TDRD9: variants seen among roughly 807,000 people sequenced by gnomAD.
TDRD9 encodes tudor domain containing 9.
TDRD9 carries 124 observed loss-of-function variants against 172.6 expected under a neutral mutation model. The ratio of observed to expected loss-of-function variants is 0.72; its 90% confidence interval spans 0.62 to 0.83. The LOEUF (loss-of-function observed/expected upper bound fraction) is 0.83. TDRD9 is among the 40% of genes least tolerant of loss of function. The probability of loss-of-function intolerance (pLI) is 0.00; values close to 1 mark genes in which losing one functional copy is unlikely to be tolerated. For missense variants in TDRD9, 1,479 were observed against 1,714.1 expected, an observed-to-expected ratio of 0.86 and a Z score of 2.42; for synonymous variants, 619 against 617.1, an observed-to-expected ratio of 1.00 and a Z score of -0.05.
At chr14:103,938,434 A>ATTTTTTTTT (rs1167863822) in intron 1 of TDRD9, among the ~76,000 whole-genome samples, 16 of 34,914 alleles carry the variant, frequency 4.6e-4, no homozygotes, top group Non-Finnish European at 6.7e-4. Context: ...ATATATATAT[A>ATTTTTTTTT]TATATATTTT....
chr14:103,994,192 A>T, intron 9 of TDRD9, 140 bp from the exon 10 acceptor site: 1 of 718,400 alleles, frequency 1.4e-6, no homozygotes, highest in East Asian at 2.5e-5. Flanking sequence ...TGTTTCTGGC[A>T]TATTTAGGCA....
intron 1 of TDRD9, among the ~76,000 whole-genome samples, chr14:103,934,526 C>T (rs888666689): frequency 1.2e-4 from 19 of 152,170 alleles, no homozygotes; most frequent in African/African-American, 4.3e-4. Context: ...TGCCTGTAAT[C>T]CCAGCACTTT....
intron 23 of TDRD9, among the ~76,000 whole-genome samples, chr14:104,020,555 G>T (rs901398995): frequency 6.6e-6 from 1 of 152,178 alleles, no homozygotes; most frequent in Non-Finnish European, 1.5e-5. Flanking sequence ...AAGCAGAAGG[G>T]CATGAATCAG....
chr14:103,937,946 G>T (rs141707216), intron 1 of TDRD9, among the ~76,000 whole-genome samples: 137 of 152,054 alleles, frequency 9.0e-4, no homozygotes, highest in African/African-American at 3.2e-3. Context: ...AAGAGGAGGT[G>T]TCACAGGCAA....
In TDRD9 at chr14:103,938,043, G is replaced by A. The variant is rs554693304; in HGVS notation, c.215+9319G>A. 3.9e-5 allele frequency among the ~76,000 whole-genome samples: 6 copies of A among 152,162 alleles called. No homozygotes were observed. In the South Asian group the frequency reaches 1.0e-3, roughly 26 times the overall value. On this transcript the variant is annotated intron_variant, in intron 1 of 35. Transcript: ENST00000409874. ...GAATCTCCTCTCTGCCAATGAGCAA[G>A]CCATTGGACGTATCTGAGGCAGTTT...
intron 28 of TDRD9, 71 bp from the exon 29 acceptor site, chr14:104,031,036 AT>A (rs2035265187): frequency 7.4e-7 from 1 of 1,358,332 alleles, no homozygotes. Context: ...CCTATGAAAT[AT>A]TTTGATTAGT....
At chr14:103,962,978 G>GTA (rs2032577943) in intron 2 of TDRD9, 101 bp from the exon 3 acceptor site, 2 of 639,820 alleles carry the variant, frequency 3.1e-6, no homozygotes, top group Non-Finnish European at 5.4e-6. Flanking sequence ...GTGTGTGTGT[G>GTA]TGTGTGTGTG....
intron 2 of TDRD9, among the ~76,000 whole-genome samples, chr14:103,960,348 ATG>A (rs2152138636): frequency 6.6e-6 from 1 of 152,310 alleles, no homozygotes; most frequent in East Asian, 1.9e-4. Flanking sequence ...ATATAGTGAT[ATG>A]TCTTAGTGAA....
intron 3 of TDRD9, among the ~76,000 whole-genome samples, chr14:103,963,574 T>G (rs1052397079): frequency 6.6e-6 from 1 of 152,232 alleles, no homozygotes; most frequent in Non-Finnish European, 1.5e-5. Flanking sequence ...TGGGTTTTCT[T>G]TACAGCGTTG....
chr14:103,929,956 C>T (rs1430924367), intron 1 of TDRD9, among the ~76,000 whole-genome samples: 2 of 152,182 alleles, frequency 1.3e-5, no homozygotes, highest in East Asian at 1.9e-4. Flanking sequence ...TAAGTAGCTA[C>T]CATCAGTTAC....
At chr14:103,988,105 C>G (rs1490370575) in intron 8 of TDRD9, among the ~76,000 whole-genome samples, 1 of 151,870 alleles carries the variant, frequency 6.6e-6, no homozygotes, top group Admixed American at 6.6e-5. Context: ...TTTTTTCATT[C>G]TTTTACTTTC....
At position 104,007,177 on chromosome 14, in the gene TDRD9, A is replaced by G; in HGVS notation, c.2025A>G (p.Arg675=). The change falls in exon 19 of 36, where the codon AGA becomes AGG. Residue 675 remains arginine (R), a synonymous_variant. Coordinates refer to ENST00000409874, the MANE Select transcript of TDRD9 (RefSeq NM_153046.3). ...ATTTTCAGACATGGAAGGCTTGCAG[A>G]CAGACAGGGGAGCTGCGGTACCCGA... is the stretch of plus-strand genomic sequence containing the variant. The part of the protein sequence containing the change: ...VEAFKTWKAC[R]QTGELRYPKD... 6.2e-7 allele frequency: 1 copy of G among 1,613,956 alleles called. No individual in the cohort carries two copies. The highest frequency in any genetic ancestry group is 8.5e-7 in the Non-Finnish European group (1 of 1,179,878).
chr14:104,028,178 A>G (rs1443317297), intron 28 of TDRD9, among the ~76,000 whole-genome samples: 1 of 152,112 alleles, frequency 6.6e-6, no homozygotes, highest in Non-Finnish European at 1.5e-5. Flanking sequence ...TCTCTGATGT[A>G]CTGATTTCCT....
At chr14:104,016,126 G>C in intron 22 of TDRD9, 38 bp downstream of exon 22, 1 of 1,398,804 alleles carries the variant, frequency 7.1e-7, no homozygotes, top group Non-Finnish European at 9.9e-7. Context: ...CTGGGGTGTG[G>C]TGGGGCAGAA....
chr14:104,010,520 C>T (rs1286983630), intron 20 of TDRD9, among the ~76,000 whole-genome samples: 2 of 151,102 alleles, frequency 1.3e-5, no homozygotes, highest in Admixed American at 6.6e-5. Flanking sequence ...TGGATACCTC[C>T]TGAAGGATAC....
intron 34 of TDRD9, among the ~76,000 whole-genome samples, chr14:104,043,997 G>A (rs948439423): frequency 6.6e-6 from 1 of 152,122 alleles, no homozygotes; most frequent in Non-Finnish European, 1.5e-5. Flanking sequence ...CCTTGATTCC[G>A]GCTCTGCCCT....
At chr14:104,030,134 A>T (rs1021564174) in intron 28 of TDRD9, among the ~76,000 whole-genome samples, 1 of 152,182 alleles carries the variant, frequency 6.6e-6, no homozygotes, top group Non-Finnish European at 1.5e-5. Context: ...AATTTTACAT[A>T]CAAAAAAGTC....
chr14:103,972,130 G>C (rs1266673697), intron 6 of TDRD9, among the ~76,000 whole-genome samples: 1 of 151,962 alleles, frequency 6.6e-6, no homozygotes, highest in Non-Finnish European at 1.5e-5. Flanking sequence ...CTCCAGCCTG[G>C]GTAACAGATG....
chr14:104,006,861 T>G lies in TDRD9; in HGVS notation c.2007+16T>G. The G allele has an allele frequency of 6.2e-7, 1 of 1,604,270 alleles. No individual in the cohort carries two copies. Among genetic ancestry groups the G allele is most frequent in the Non-Finnish European group, 8.5e-7 (1 of 1,173,530 alleles). ...GGCATTTAAAGTAAGTTTTCTGTTG[T>G]GTAAACCATGAAAGCAGCTACCACA... On this transcript the variant is annotated intron_variant, in intron 18 of 35. Transcript: ENST00000409874.
Sources: allele counts gnomAD v4.1 joint callset (sites outside exome capture counted in the v4.1 genomes callset), GRCh38; gene constraint gnomAD v4.1.1; transcripts MANE v1.5; gene names NCBI Gene and HGNC (gene_info 2026-07-23, HGNC 2026-07-21).